Variants in MACROD2 observed in about 807,000 individuals in gnomAD.
The protein encoded by MACROD2 is mono-ADP ribosylhydrolase 2.
A neutral mutation model predicts 70.4 loss-of-function variants in MACROD2; 36 were observed. The ratio of observed to expected loss-of-function variants is 0.51; its 90% confidence interval spans 0.39 to 0.68. The LOEUF (loss-of-function observed/expected upper bound fraction) is 0.68. Ranked by LOEUF, MACROD2 falls within the 30% of genes least tolerant of loss-of-function variation. MACROD2 has a pLI of 0.00. For missense variants in MACROD2, 496 were observed against 538.4 expected (o/e 0.92, Z 0.78); for synonymous variants, 172 against 178.8 (o/e 0.96, Z 0.30).
At chr20:15,545,228 G>A (rs2048011128) in intron 8 of MACROD2, among the ~76,000 whole-genome samples, 1 of 152,192 alleles carries the variant, frequency 6.6e-6, no homozygotes, top group Non-Finnish European at 1.5e-5. Context: ...TGGCAAGACA[G>A]AAAGACAAAT....
At chr20:15,256,621 TAA>T (rs1478664941) in intron 6 of MACROD2, among the ~76,000 whole-genome samples, 1 of 152,068 alleles carries the variant, frequency 6.6e-6, no homozygotes, top group Non-Finnish European at 1.5e-5. Flanking sequence ...CTGTTTATAG[TAA>T]TTTAAACCAA....
rs1029899478 is a variant in MACROD2 at position 15,234,716 on chromosome 20, C to T, written c.540+4655C>T. The stretch of plus-strand genomic sequence containing the variant: ...ATATCTAAAACATACTAACAGAAAT[C>T]GTGTATATTGGTGAAAATCTTGGTG... On this transcript the variant is annotated intron_variant, in intron 6 of 17. Coordinates refer to ENST00000684519, the MANE Select transcript of MACROD2 (RefSeq NM_001351661.2). 2.6e-5 allele frequency among the ~76,000 whole-genome samples: 4 copies of T among 151,670 alleles called. 1 individual carries two copies. The South Asian group carries it at 6.3e-4, about 24-fold the overall frequency.
chr20:15,211,278 T>C (rs2076761422), intron 5 of MACROD2, among the ~76,000 whole-genome samples: 1 of 152,254 alleles, frequency 6.6e-6, no homozygotes, highest in African/African-American at 2.4e-5. Context: ...TCAGTACTGC[T>C]TTCCTTTTTA....
intron 5 of MACROD2, among the ~76,000 whole-genome samples, chr20:14,981,374 T>C (rs1472006140): frequency 2.0e-5 from 3 of 151,276 alleles, no homozygotes; most frequent in African/African-American, 7.3e-5. Context: ...TAAACCTCAC[T>C]CCTTTGGAAA....
chr20:15,143,720 A>G (rs1257531365), intron 5 of MACROD2, among the ~76,000 whole-genome samples: 3 of 151,738 alleles, frequency 2.0e-5, no homozygotes, highest in African/African-American at 7.3e-5. Flanking sequence ...CCCAAAATAT[A>G]TGATTTCCTG....
At chr20:15,416,532 G>C (rs1380256843) in intron 6 of MACROD2, among the ~76,000 whole-genome samples, 1 of 152,192 alleles carries the variant, frequency 6.6e-6, no homozygotes, top group Non-Finnish European at 1.5e-5. Flanking sequence ...TAGGCCCCCT[G>C]CAGCTGCCAA....
At chr20:15,847,763 C>T (rs1398063066) in intron 8 of MACROD2, among the ~76,000 whole-genome samples, 1 of 152,096 alleles carries the variant, frequency 6.6e-6, no homozygotes, top group Non-Finnish European at 1.5e-5. Flanking sequence ...TTTCCATATA[C>T]CCCCAGTGAG....
intron 3 of MACROD2, among the ~76,000 whole-genome samples, chr20:14,338,027 A>G (rs1262780337): frequency 6.6e-6 from 1 of 152,230 alleles, no homozygotes; most frequent in African/African-American, 2.4e-5. Context: ...AGCTAAAATA[A>G]TGTTATAATT....
At chr20:14,276,408 A>G (rs1164054023) in intron 3 of MACROD2, among the ~76,000 whole-genome samples, 1 of 141,906 alleles carries the variant, frequency 7.0e-6, no homozygotes, top group Non-Finnish European at 1.5e-5. Context: ...GTTCTCACTC[A>G]TAGGTGGGAA....
At chr20:15,852,243 T>C (rs1019667648) in intron 8 of MACROD2, among the ~76,000 whole-genome samples, 7 of 152,232 alleles carry the variant, frequency 4.6e-5, no homozygotes, top group Non-Finnish European at 1.0e-4. Flanking sequence ...GCTCCTCAGA[T>C]GCATGGCCAT....
intron 7 of MACROD2, among the ~76,000 whole-genome samples, chr20:15,492,128 T>G (rs1294391340): frequency 1.3e-5 from 2 of 152,202 alleles, no homozygotes; most frequent in African/African-American, 4.8e-5. Flanking sequence ...CTGTTTTATC[T>G]TTTGTGAAAC....
At chr20:14,107,343 ACAGT>A (rs1370153560) in intron 3 of MACROD2, among the ~76,000 whole-genome samples, 1 of 152,158 alleles carries the variant, frequency 6.6e-6, no homozygotes, top group Non-Finnish European at 1.5e-5. Flanking sequence ...ATTAAAATAC[ACAGT>A]CAGAAGAAAC....
chr20:15,363,050 A>G (rs907999220), intron 6 of MACROD2, among the ~76,000 whole-genome samples: 5 of 152,124 alleles, frequency 3.3e-5, no homozygotes, highest in African/African-American at 7.2e-5. Flanking sequence ...TTAGGAATTC[A>G]TGGTAGTACA....
At chr20:14,066,331 G>C (rs1217447873) in intron 2 of MACROD2, among the ~76,000 whole-genome samples, 1 of 152,042 alleles carries the variant, frequency 6.6e-6, no homozygotes, top group Non-Finnish European at 1.5e-5. Flanking sequence ...CTTATTCTCT[G>C]CTAGACCCTG....
intron 5 of MACROD2, among the ~76,000 whole-genome samples, chr20:14,934,690 G>A (rs1033744104): frequency 1.3e-5 from 2 of 152,266 alleles, no homozygotes; most frequent in African/African-American, 4.8e-5. Flanking sequence ...AGGAGGCTGA[G>A]GCAGGTGAAT....
rs887421812 is a variant in MACROD2 at position 16,041,177 on chromosome 20, G to C, written c.1154-24G>C. The C allele has an allele frequency of 2.5e-6, 4 of 1,601,148 alleles. No homozygotes were observed. In the African/African-American group the frequency reaches 5.4e-5, roughly 22 times the overall value. On this transcript the variant is annotated intron_variant, in intron 15 of 17. Transcript: ENST00000684519. ...CTGTTATAATTCTCTATTCATCAGG[G>C]ACTGTGGTCTTTTTCTCTTCCAGCT...
intron 6 of MACROD2, among the ~76,000 whole-genome samples, chr20:15,320,571 A>G (rs2077863668): frequency 1.3e-5 from 2 of 152,222 alleles, no homozygotes; most frequent in South Asian, 2.1e-4. Context: ...AAGTTAAGAT[A>G]TAAATATCAC....
intron 3 of MACROD2, among the ~76,000 whole-genome samples, chr20:14,242,187 G>C (rs1277272573): frequency 6.6e-6 from 1 of 152,056 alleles, no homozygotes; most frequent in Non-Finnish European, 1.5e-5. Flanking sequence ...TTTATCAGTT[G>C]TCTAATTTAA....
At chr20:14,494,138 T>C (rs944094523) in intron 4 of MACROD2, 2 of 152,070 alleles carry the variant, frequency 1.3e-5, no homozygotes, top group African/African-American at 4.8e-5. Flanking sequence ...GTTAGGAAGA[T>C]GAAAGCTTTC....
Sources: gnomAD v4.1 joint callset for allele counts (sites outside exome capture counted in the v4.1 genomes callset) on GRCh38, gnomAD v4.1.1 for gene constraint, MANE v1.5 for transcripts, NCBI Gene and HGNC (gene_info 2026-07-23, HGNC 2026-07-21) for gene names.